DMD: variants seen among roughly 807,000 people sequenced by gnomAD.
DMD encodes the protein dystrophin.
In DMD, 63 loss-of-function variants were observed where a neutral mutation model predicts 330.1. The ratio of observed to expected loss-of-function variants is 0.19; its 90% CI spans 0.16 to 0.24. The LOEUF (loss-of-function observed/expected upper bound fraction) is 0.24. Among genes scored for constraint, DMD ranks in the 10% least tolerant of loss-of-function variants. The pLI, the probability that DMD is intolerant of heterozygous loss-of-function variation, is 1.00. For synonymous variants in DMD, 1,223 were observed against 959.8 expected (o/e 1.27, Z -5.07); for missense variants, 3,344 against 2,684.1 (o/e 1.25, Z -5.43).
intron 55 of DMD, among the ~76,000 whole-genome samples, chrX:31,569,672 A>ATATACGTATATATACG (rs1569551993): frequency 2.2e-4 from 22 of 100,341 alleles, no homozygotes; most frequent in Non-Finnish European, 3.2e-4. Context: ...ATATATACGT[A>ATATACGTATATATACG]TATATATATG....
At chrX:32,814,905 A>G (rs763890177) in intron 6 of DMD, among the ~76,000 whole-genome samples, 2 of 111,876 alleles carry the variant, frequency 1.8e-5, no homozygotes, top group East Asian at 5.6e-4. Flanking sequence ...GCAAATGTGT[A>G]CATGAACAGC....
chrX:32,612,925 CT>C (rs1411180927), intron 12 of DMD, among the ~76,000 whole-genome samples: 1 of 110,816 alleles, frequency 9.0e-6, no homozygotes, highest in Non-Finnish European at 1.9e-5. Context: ...AAAAAAAACT[CT>C]AGAACTTAGA....
chrX:32,522,756 G>A (rs914562058), intron 17 of DMD, among the ~76,000 whole-genome samples: 3 of 111,628 alleles, frequency 2.7e-5, no homozygotes, highest in Admixed American at 9.5e-5. Context: ...CTTTATTCTT[G>A]TTCCTCCTCC....
chrX:31,936,354 C>G (rs1011670767), intron 45 of DMD, among the ~76,000 whole-genome samples: 10 of 111,685 alleles, frequency 9.0e-5, no homozygotes, highest in East Asian at 8.4e-4. Flanking sequence ...CCAACAGTTA[C>G]AAAATACTTG....
intron 2 of DMD, among the ~76,000 whole-genome samples, chrX:32,854,910 TA>T (rs2081418942): frequency 9.0e-6 from 1 of 111,564 alleles, no homozygotes; most frequent in Admixed American, 9.5e-5. Flanking sequence ...CTCTGACAAA[TA>T]CTGATACAAA....
chrX:32,137,565 C>T (rs1176195756), intron 44 of DMD, among the ~76,000 whole-genome samples: 2 of 111,162 alleles, frequency 1.8e-5, no homozygotes, highest in Non-Finnish European at 3.8e-5. Context: ...ATATTCCTTC[C>T]AGAGTAGAGC....
In DMD at chrX:32,606,688, G is replaced by T. The variant is rs1391343596; in HGVS notation, c.1482+7615C>A. ...CAGTAAATGATTGGATAAAGAAAAT[G>T]TGATATGCACATGTATATATGTGTG... On this transcript the variant is annotated intron_variant, in intron 12 of 78. Transcript: ENST00000357033. 2.8e-5 allele frequency among the ~76,000 whole-genome samples: 3 copies of T among 105,944 alleles called. No homozygotes were observed. The East Asian group carries it at 8.8e-4, about 31-fold the overall frequency. The allele number at this position is 105,944 out of a possible 115,157, so 92.0% of individuals were successfully genotyped here.
intron 55 of DMD, among the ~76,000 whole-genome samples, chrX:31,568,512 T>A (rs752604841): frequency 3.1e-4 from 35 of 111,965 alleles, no homozygotes; most frequent in Middle Eastern, 9.2e-3. Flanking sequence ...TTATGTAATG[T>A]CCCTGTTTGT....
chrX:32,906,697 T>G (rs923770559), intron 2 of DMD, among the ~76,000 whole-genome samples: 10 of 111,308 alleles, frequency 9.0e-5, no homozygotes, highest in Non-Finnish European at 1.7e-4. Flanking sequence ...TTAATTGATC[T>G]TTCTAAAAGG....
intron 7 of DMD, among the ~76,000 whole-genome samples, chrX:32,738,596 C>T (rs773566202): frequency 9.0e-6 from 1 of 111,248 alleles, no homozygotes. Context: ...CTTGGACTGC[C>T]GGTGACACAG....
chrX:31,298,930 G>C (rs746475080), intron 62 of DMD, among the ~76,000 whole-genome samples: 8 of 112,226 alleles, frequency 7.1e-5, no homozygotes, highest in Non-Finnish European at 9.4e-5. Context: ...TCTTCTGAGA[G>C]AGTTTCTGTA....
chrX:33,267,526 AAAAAAT>A (rs1407392445), intron 1 of DMD, among the ~76,000 whole-genome samples: 1 of 111,423 alleles, frequency 9.0e-6, no homozygotes, highest in African/African-American at 3.3e-5. Context: ...CAACCAAAAA[AAAAAAT>A]AAAAGAGCGC....
chrX:31,816,134 T>G, intron 50 of DMD, among the ~76,000 whole-genome samples: 1 of 112,336 alleles, frequency 8.9e-6, no homozygotes, highest in Non-Finnish European at 1.9e-5. Context: ...AATCACTCGT[T>G]TTGAACTGTT....
chrX:32,582,523 A>G (rs374870137), intron 13 of DMD, among the ~76,000 whole-genome samples: 2 of 112,076 alleles, frequency 1.8e-5, no homozygotes, highest in Non-Finnish European at 3.8e-5. Context: ...AAGACTTTAC[A>G]TAATAAAAAT....
chrX:31,447,569 A>G (rs1258650839), intron 59 of DMD, among the ~76,000 whole-genome samples: 2 of 111,754 alleles, frequency 1.8e-5, no homozygotes, highest in Admixed American at 9.6e-5. Context: ...TCATAAAAAT[A>G]TTAGTTTAAA....
At chrX:31,869,404 A>ATT (rs34962396) in intron 48 of DMD, among the ~76,000 whole-genome samples, 23,424 of 82,978 alleles carry the variant, frequency 0.28, 3,130 homozygotes, top group Admixed American at 0.41. Flanking sequence ...AAACGACATG[A>ATT]TTTTTTTTTT....
chrX:32,761,613 G>A (rs1018758090), intron 7 of DMD, among the ~76,000 whole-genome samples: 3 of 111,687 alleles, frequency 2.7e-5, no homozygotes, highest in African/African-American at 9.8e-5. Context: ...CATAAACTGT[G>A]TGTATGGCGA....
intron 51 of DMD, among the ~76,000 whole-genome samples, chrX:31,749,414 A>G (rs1273629964): frequency 2.0e-5 from 2 of 102,390 alleles, no homozygotes; most frequent in African/African-American, 7.1e-5. Context: ...TGTTCTTGCA[A>G]TAGTTTACTG....
chrX:32,980,873 CTTA>C (rs1370015825), intron 2 of DMD, among the ~76,000 whole-genome samples: 10 of 111,608 alleles, frequency 9.0e-5, no homozygotes, highest in Non-Finnish European at 1.9e-5. Context: ...ATTAAGTCTT[CTTA>C]TTATGTATGT....
Sources: allele counts gnomAD v4.1 joint callset (sites outside exome capture counted in the v4.1 genomes callset), GRCh38; gene constraint gnomAD v4.1.1; transcripts MANE v1.5; gene names NCBI Gene and HGNC (gene_info 2026-07-23, HGNC 2026-07-21).